The following EPHA6 variants were observed in gnomAD, a reference collection of about 807,000 sequenced individuals.
The protein encoded by EPHA6 is EPH receptor A6, also known as ephrin type-A receptor 6.
Under a neutral mutation model 112.0 loss-of-function variants are expected in EPHA6, and 50 were observed. That is an observed-to-expected ratio of 0.45 (90% CI 0.36 to 0.56). The LOEUF (loss-of-function observed/expected upper bound fraction) is 0.56. Ranked by LOEUF, EPHA6 falls within the 20% of genes least tolerant of loss-of-function variation. The pLI is 0.00. For missense variants in EPHA6, 1,280 were observed against 1,417.4 expected (o/e 0.90, Z 1.56); for synonymous variants, 529 against 490.7 (o/e 1.08, Z -1.03).
At chr3:97,065,324 C>G (rs2046144125) in intron 3 of EPHA6, among the ~76,000 whole-genome samples, 1 of 151,982 alleles carries the variant, frequency 6.6e-6, no homozygotes, top group African/African-American at 2.4e-5. Context: ...GTTAAATGTT[C>G]AAAGTAGAGT....
intron 5 of EPHA6, among the ~76,000 whole-genome samples, chr3:97,253,483 A>G (rs961265981): frequency 6.6e-6 from 1 of 152,300 alleles, no homozygotes; most frequent in African/African-American, 2.4e-5. Context: ...GTCACTTTCA[A>G]CATGTGTTCT....
intron 5 of EPHA6, among the ~76,000 whole-genome samples, chr3:97,286,864 T>C (rs2080482805): frequency 6.6e-6 from 1 of 152,120 alleles, no homozygotes; most frequent in Non-Finnish European, 1.5e-5. Flanking sequence ...ATTCTTCCAA[T>C]CCATGAGCAT....
intron 15 of EPHA6, among the ~76,000 whole-genome samples, chr3:97,725,116 G>A (rs924406523): frequency 6.6e-6 from 1 of 152,056 alleles, no homozygotes; most frequent in Non-Finnish European, 1.5e-5. Context: ...CCAGAGGCTC[G>A]TGCAGGATTT....
At chr3:97,614,636 G>A (rs890303722) in intron 13 of EPHA6, among the ~76,000 whole-genome samples, 2 of 151,728 alleles carry the variant, frequency 1.3e-5, no homozygotes, top group Non-Finnish European at 2.9e-5. Flanking sequence ...ACAGGCGTGA[G>A]CCACTGTCCC....
chr3:97,324,103 A>G (rs1390615123), intron 5 of EPHA6, among the ~76,000 whole-genome samples: 1 of 152,024 alleles, frequency 6.6e-6, no homozygotes, highest in Admixed American at 6.6e-5. Flanking sequence ...TATTTTCCCA[A>G]CCTGTCCCTC....
intron 3 of EPHA6, among the ~76,000 whole-genome samples, chr3:97,077,009 G>C (rs933799827): frequency 7.2e-5 from 11 of 152,086 alleles, no homozygotes; most frequent in African/African-American, 2.4e-4. Context: ...GATTAGTGTT[G>C]TATTCATGTC....
At chr3:97,178,787 G>T (rs1487986864) in intron 3 of EPHA6, among the ~76,000 whole-genome samples, 1 of 151,890 alleles carries the variant, frequency 6.6e-6, no homozygotes, top group Non-Finnish European at 1.5e-5. Flanking sequence ...CTTTATCTTT[G>T]ATCTTTGAGA....
chr3:97,703,062 C>G (rs1309539922), intron 14 of EPHA6, among the ~76,000 whole-genome samples: 1 of 152,146 alleles, frequency 6.6e-6, no homozygotes, highest in Non-Finnish European at 1.5e-5. Flanking sequence ...ACAGCACTGG[C>G]TGAAGTCAGG....
At chr3:97,572,415 G>T (rs1467101294) in intron 11 of EPHA6, among the ~76,000 whole-genome samples, 1 of 152,082 alleles carries the variant, frequency 6.6e-6, no homozygotes, top group Non-Finnish European at 1.5e-5. Flanking sequence ...CTCCCAAAGT[G>T]CTAGGATTAC....
chr3:97,492,751 GA>G (rs2091882006), intron 10 of EPHA6, among the ~76,000 whole-genome samples: 1 of 151,684 alleles, frequency 6.6e-6, no homozygotes, highest in Non-Finnish European at 1.5e-5. Flanking sequence ...TGTATACTGG[GA>G]GATCAGATCG....
At chr3:97,735,853 TA>T in intron 15 of EPHA6, 71 bp from the exon 16 acceptor site, 4 of 1,216,346 alleles carry the variant, frequency 3.3e-6, no homozygotes, top group Non-Finnish European at 4.4e-6. Context: ...CTTCTGCTTG[TA>T]AAAAAAGAAA....
chr3:97,468,923 AC>A lies in EPHA6; in HGVS notation c.1895-6428del, dbSNP rs558157348. Among the ~76,000 whole-genome samples, 286 of 151,764 alleles carry A rather than the reference AC, an allele frequency of 1.9e-3. 1 individual carries two copies. Among genetic ancestry groups the A allele is most frequent in the African/African-American group, 6.3e-3 (261 of 41,488 alleles). On this transcript the variant is annotated intron_variant, in intron 7 of 17. Transcript: ENST00000389672. ...GCTTGTAGTAGAGATGAGTCAAAAA[AC>A]TGAAACTCTCAGGAAATGAATCATT...
intron 2 of EPHA6, among the ~76,000 whole-genome samples, chr3:96,983,938 C>G (rs1017950372): frequency 6.6e-6 from 1 of 152,162 alleles, no homozygotes; most frequent in Non-Finnish European, 1.5e-5. Flanking sequence ...ACTGGTTATT[C>G]TAGTTAGCCA....
At chr3:97,025,457 A>T (rs1379971362) in intron 3 of EPHA6, among the ~76,000 whole-genome samples, 1 of 152,128 alleles carries the variant, frequency 6.6e-6, no homozygotes, top group Non-Finnish European at 1.5e-5. Context: ...TTCTGTTAAC[A>T]GTTTCTTTTG....
chr3:97,580,165 A>T (rs1236564423), intron 11 of EPHA6, among the ~76,000 whole-genome samples: 1 of 152,206 alleles, frequency 6.6e-6, no homozygotes, highest in Non-Finnish European at 1.5e-5. Context: ...CAAAGAGTTC[A>T]TGCAGAAATA....
intron 14 of EPHA6, among the ~76,000 whole-genome samples, chr3:97,693,532 T>C (rs974461556): frequency 1.3e-5 from 2 of 152,072 alleles, no homozygotes; most frequent in Non-Finnish European, 2.9e-5. Context: ...TGGGATTTTG[T>C]GTGGAAGAAG....
chr3:97,682,659 G>A (rs772791760), intron 14 of EPHA6, among the ~76,000 whole-genome samples: 20 of 152,102 alleles, frequency 1.3e-4, no homozygotes, highest in Non-Finnish European at 2.1e-4. Flanking sequence ...TTGAGGGTGC[G>A]TTTAGTTCAA....
At chr3:97,006,680 T>G (rs2043892940) in intron 3 of EPHA6, among the ~76,000 whole-genome samples, 1 of 152,170 alleles carries the variant, frequency 6.6e-6, no homozygotes. Context: ...CCTCTCTAGC[T>G]CTTTTAATTT....
chr3:97,373,850 A>C lies in EPHA6; in HGVS notation c.1607-31300A>C, dbSNP rs115978428. 5.6e-3 allele frequency among the ~76,000 whole-genome samples: 848 copies of C among 152,168 alleles called. 7 individuals are homozygous for C. Among genetic ancestry groups the C allele is most frequent in the African/African-American group, 0.02 (814 of 41,554 alleles). Reference sequence around the variant, plus strand: ...TAAATTTTTTCCCTTCAAAAATTTCATTTGGTTTGATATGTAAAATTGTTG... The same window carrying C: ...TAAATTTTTTCCCTTCAAAAATTTCCTTTGGTTTGATATGTAAAATTGTTG... On this transcript the variant is annotated intron_variant, in intron 5 of 17. Transcript: ENST00000389672.
Sources: gnomAD v4.1 joint callset for allele counts (sites outside exome capture counted in the v4.1 genomes callset) on GRCh38, gnomAD v4.1.1 for gene constraint, MANE v1.5 for transcripts, NCBI Gene and HGNC (gene_info 2026-07-23, HGNC 2026-07-21) for gene names.